Variants in RAD51B observed in about 807,000 individuals in gnomAD.
The protein encoded by RAD51B is DNA repair protein RAD51 homolog 2.
Under a neutral mutation model 42.2 loss-of-function variants are expected in RAD51B, and 38 were observed. That is an observed-to-expected ratio of 0.90 (90% confidence interval 0.70 to 1.18). The LOEUF (loss-of-function observed/expected upper bound fraction) is 1.18. RAD51B is among the 50% of genes most tolerant of loss of function. RAD51B has a pLI of 0.00. For missense variants in RAD51B, 373 were observed against 400.7 expected (o/e 0.93, Z 0.59); for synonymous variants, 154 against 145.2 (o/e 1.06, Z -0.43).
chr14:67,887,307 T>A, intron 7 of RAD51B, 103 bp downstream of exon 7: 1 of 1,047,022 alleles, frequency 9.6e-7, no homozygotes, highest in Non-Finnish European at 1.4e-6. Flanking sequence ...GAGGAAAATG[T>A]AAAACAGATG....
chr14:67,951,328 T>G (rs918136695), intron 7 of RAD51B, among the ~76,000 whole-genome samples: 1 of 152,238 alleles, frequency 6.6e-6, no homozygotes, highest in African/African-American at 2.4e-5. Context: ...TTATTGTTAA[T>G]GGGCTTTGAG....
chr14:68,303,457 TAAA>T (rs58955054), intron 8 of RAD51B, among the ~76,000 whole-genome samples: 21,369 of 138,372 alleles, frequency 0.15, 2,169 homozygotes, highest in African/African-American at 0.34. Flanking sequence ...TAAAGTATAA[TAAA>T]AAAAAAAAAA....
chr14:68,388,527 G>T (rs1046645987), intron 8 of RAD51B, among the ~76,000 whole-genome samples: 1 of 152,108 alleles, frequency 6.6e-6, no homozygotes, highest in Non-Finnish European at 1.5e-5. Flanking sequence ...CACCAATCAA[G>T]TATATATCAT....
intron 7 of RAD51B, among the ~76,000 whole-genome samples, chr14:67,951,240 TG>T (rs2074439218): frequency 6.6e-6 from 1 of 152,206 alleles, no homozygotes; most frequent in Non-Finnish European, 1.5e-5. Context: ...TGTACGTAGT[TG>T]GTGCCTGTAG....
chr14:68,470,065 G>A (rs1314378127), intron 10 of RAD51B, among the ~76,000 whole-genome samples: 2 of 152,178 alleles, frequency 1.3e-5, no homozygotes, highest in African/African-American at 4.8e-5. Context: ...TTAAAAAACT[G>A]CAAGGAATGA....
intron 11 of RAD51B, among the ~76,000 whole-genome samples, chr14:68,663,526 G>A (rs1892976823): frequency 6.6e-6 from 1 of 152,164 alleles, no homozygotes; most frequent in South Asian, 2.1e-4. Context: ...TAGCCCTGGA[G>A]GGCTTCATCT....
chr14:68,085,857 C>T (rs572316506), intron 7 of RAD51B, among the ~76,000 whole-genome samples: 1 of 152,304 alleles, frequency 6.6e-6, no homozygotes, highest in Non-Finnish European at 1.5e-5. Flanking sequence ...CAGTGTCCTG[C>T]TGCTCAAACC....
At chr14:68,311,237 A>G (rs1052223155) in intron 8 of RAD51B, among the ~76,000 whole-genome samples, 12 of 152,242 alleles carry the variant, frequency 7.9e-5, no homozygotes, top group Non-Finnish European at 1.3e-4. Flanking sequence ...AGGTTTTAAT[A>G]TATGTATATG....
At chr14:68,363,416 A>G (rs1295861605) in intron 8 of RAD51B, among the ~76,000 whole-genome samples, 1 of 152,204 alleles carries the variant, frequency 6.6e-6, no homozygotes, top group Non-Finnish European at 1.5e-5. Context: ...ACTGTATGAT[A>G]TATCTGTTAA....
intron 7 of RAD51B, among the ~76,000 whole-genome samples, chr14:67,944,588 C>A (rs182344600): frequency 1.1e-4 from 17 of 151,952 alleles, no homozygotes; most frequent in Admixed American, 1.1e-3. Context: ...TTGATACTAC[C>A]GTAGTGTGTT....
At chr14:68,244,146 T>C (rs1237290719) in intron 7 of RAD51B, among the ~76,000 whole-genome samples, 1 of 152,134 alleles carries the variant, frequency 6.6e-6, no homozygotes, top group Non-Finnish European at 1.5e-5. Flanking sequence ...TTGTTATTGT[T>C]GCTGTGAATT....
At position 67,852,724 on chromosome 14, in the gene RAD51B, G is replaced by A. The variant is rs532140400; in HGVS notation, c.316-12279G>A. ...TGAGCATCATTGAGTCTTAGAGGCC[G>A]CCTACCACTGATATATGCATGTGTG... On this transcript the variant is annotated intron_variant, in intron 4 of 10. Coordinates refer to ENST00000471583, the MANE Select transcript of RAD51B (RefSeq NM_133510.4). Among the ~76,000 whole-genome samples the A allele has an allele frequency of 2.5e-4, 38 of 152,184 alleles. 2 individuals carry two copies. The South Asian group carries it at 7.5e-3, about 30-fold the overall frequency.
chr14:68,627,746 C>T (rs1326945859), intron 10 of RAD51B, among the ~76,000 whole-genome samples: 2 of 152,208 alleles, frequency 1.3e-5, no homozygotes, highest in Non-Finnish European at 2.9e-5. Flanking sequence ...GTCTACCCTA[C>T]TTCAGAAACC....
rs967465145 is a variant in RAD51B at position 68,398,701 on chromosome 14, TAA to T, written c.854-12722_854-12721del. Among the ~76,000 whole-genome samples the T allele has an allele frequency of 5.9e-4, 90 of 152,270 alleles. 4 individuals are homozygous for T. Among genetic ancestry groups the T allele is most frequent in the Non-Finnish European group, 4.4e-5 (3 of 68,024 alleles). Reference sequence around the variant, plus strand: ...CCTCTTGGGAAGCAGGGTGGGGGATTAAGTCAGTCTTAAAAACTGGCTAAAGG... The same window carrying T: ...CCTCTTGGGAAGCAGGGTGGGGGATTGTCAGTCTTAAAAACTGGCTAAAGG... On this transcript the variant is annotated intron_variant, in intron 8 of 10. Coordinates refer to ENST00000471583, the MANE Select transcript of RAD51B (RefSeq NM_133510.4).
chr14:68,392,570 A>G (rs536884276), intron 8 of RAD51B, among the ~76,000 whole-genome samples: 5 of 152,276 alleles, frequency 3.3e-5, no homozygotes, highest in Admixed American at 3.3e-4. Context: ...CACTCTATAA[A>G]CAAAGATGCT....
intron 7 of RAD51B, among the ~76,000 whole-genome samples, chr14:68,090,093 C>T (rs751121697): frequency 6.6e-6 from 1 of 152,158 alleles, no homozygotes; most frequent in Non-Finnish European, 1.5e-5. Flanking sequence ...AAAACCTAGG[C>T]ACCCTAGAGC....
At chr14:68,584,481 A>C (rs1403161852) in intron 10 of RAD51B, among the ~76,000 whole-genome samples, 1 of 152,198 alleles carries the variant, frequency 6.6e-6, no homozygotes, top group Non-Finnish European at 1.5e-5. Context: ...TCATGCTCCC[A>C]TAGCATTGCC....
intron 8 of RAD51B, among the ~76,000 whole-genome samples, chr14:68,366,495 A>G (rs1000631878): frequency 6.6e-6 from 1 of 152,236 alleles, no homozygotes; most frequent in African/African-American, 2.4e-5. Context: ...GAAATGTTTG[A>G]CTTAAGGAAG....
chr14:67,955,153 T>C lies in RAD51B; in HGVS notation c.756+67949T>C, dbSNP rs377469883. ...TCAGCTGAGGACAGATAGTTGATTT[T>C]ATTTCTTGCCTTTTTCTAGTAAAAT... On this transcript the variant is annotated intron_variant, in intron 7 of 10. Coordinates refer to ENST00000471583, the MANE Select transcript of RAD51B (RefSeq NM_133510.4). 3.3e-5 allele frequency among the ~76,000 whole-genome samples: 5 copies of C among 152,188 alleles called. No individual in the cohort carries two copies. In the East Asian group the frequency reaches 7.7e-4, roughly 23 times the overall value.
Sources: gnomAD v4.1 joint callset for allele counts (sites outside exome capture counted in the v4.1 genomes callset) on GRCh38, gnomAD v4.1.1 for gene constraint, MANE v1.5 for transcripts, NCBI Gene and HGNC (gene_info 2026-07-23, HGNC 2026-07-21) for gene names.